The following MYO10 variants were observed in gnomAD, a reference collection of about 807,000 sequenced individuals.
The protein encoded by MYO10 is myosin X.
Under a neutral mutation model 257.3 loss-of-function variants are expected in MYO10, and 133 were observed. The observed-to-expected ratio is 0.52, with a 90% CI of 0.45 to 0.60. The LOEUF (loss-of-function observed/expected upper bound fraction) is 0.60, where lower values mean the gene tolerates loss of function less well. Ranked by LOEUF, MYO10 falls within the 20% of genes least tolerant of loss-of-function variation. The pLI is 0.00. For missense variants in MYO10, 2,399 were observed against 2,635.7 expected (o/e 0.91, Z 1.97); for synonymous variants, 1,104 against 1,028.6 (o/e 1.07, Z -1.40).
chr5:16,935,211 G>T (rs1346105417), intron 1 of MYO10, among the ~76,000 whole-genome samples: 2 of 152,044 alleles, frequency 1.3e-5, no homozygotes, highest in Non-Finnish European at 2.9e-5. Flanking sequence ...ACAAATACAT[G>T]ATCATTTGAT....
At chr5:16,918,997 A>G (rs549875928) in intron 1 of MYO10, among the ~76,000 whole-genome samples, 1 of 152,256 alleles carries the variant, frequency 6.6e-6, no homozygotes, top group East Asian at 1.9e-4. Context: ...TTGGACTTGT[A>G]TTACCTGACT....
In MYO10 at chr5:16,818,097, C is replaced by A. The variant is rs1742678279; in HGVS notation, c.191G>T (p.Gly64Val). The A allele has an allele frequency of 6.2e-7, 1 of 1,611,676 alleles. No individual in the cohort carries two copies. Among genetic ancestry groups the A allele is most frequent in the South Asian group, 1.1e-5 (1 of 90,728 alleles). Residue 64 changes from glycine to valine, a missense_variant, in exon 3 of 41, where the codon GGC becomes GTC. Transcript: ENST00000513610. ...VTAMHPTNEE[G>V]VDDMASLTEL... ...TGTCAAGGACGCCATGTCATCCACG[C>A]CCTCCTCGTTCGTGGGGTGCATAGC...
intron 19 of MYO10, among the ~76,000 whole-genome samples, chr5:16,748,153 T>C (rs1237518604): frequency 1.3e-5 from 2 of 152,122 alleles, no homozygotes; most frequent in Non-Finnish European, 1.5e-5. Context: ...CACTGCAGCC[T>C]TGACCTCCCA....
intron 17 of MYO10, among the ~76,000 whole-genome samples, chr5:16,759,203 G>A (rs1460965001): frequency 2.0e-5 from 3 of 152,172 alleles, no homozygotes; most frequent in Non-Finnish European, 2.9e-5. Flanking sequence ...GATTATAGGC[G>A]TGAGCCACCG....
chr5:16,680,179 C>A, intron 32 of MYO10, 75 bp from the exon 33 acceptor site: 2 of 1,509,606 alleles, frequency 1.3e-6, no homozygotes, highest in South Asian at 2.5e-5. Context: ...TGTGTCCTCT[C>A]TGACCTCAGT....
At chr5:16,935,323 C>T (rs1364087521) in intron 1 of MYO10, among the ~76,000 whole-genome samples, 3 of 152,198 alleles carry the variant, frequency 2.0e-5, no homozygotes, top group Non-Finnish European at 2.9e-5. Context: ...ATTAAGCCGT[C>T]TCCTCTGGAA....
rs61364324 is a variant in MYO10 at position 16,751,127 on chromosome 5, G to A, written c.1929+3701C>T. ...TCTCCCAAGTCCTTCGGTGGACTGC[G>A]ACTGGAGAGGAAAATGAGGTGAGGA... On this transcript the variant is annotated intron_variant, in intron 19 of 40. Coordinates refer to ENST00000513610, the MANE Select transcript of MYO10 (RefSeq NM_012334.3). Among the ~76,000 whole-genome samples the A allele has an allele frequency of 8.0e-3, 1,218 of 152,202 alleles. 20 individuals carry two copies. The highest frequency in any genetic ancestry group is 0.027 in the African/African-American group (1,126 of 41,510).
chr5:16,690,569 C>G (rs991887953), intron 27 of MYO10, among the ~76,000 whole-genome samples: 2 of 152,142 alleles, frequency 1.3e-5, no homozygotes, highest in African/African-American at 2.4e-5. Context: ...AGGACCCAGA[C>G]AGGCCAGGGG....
At chr5:16,775,142 G>T (rs1440247717) in intron 9 of MYO10, among the ~76,000 whole-genome samples, 2 of 152,198 alleles carry the variant, frequency 1.3e-5, no homozygotes, top group Non-Finnish European at 2.9e-5. Context: ...TGTTACTACT[G>T]ACTTGAAATA....
chr5:16,671,653 G>T lies in MYO10; in HGVS notation c.5310-111C>A. On this transcript the variant is annotated intron_variant, in intron 37 of 40. Coordinates refer to ENST00000513610, the MANE Select transcript of MYO10 (RefSeq NM_012334.3). ...TCTAAGGACACAGACATTCTGTCCG[G>T]GCCCAGAAAACAGTGGATAGAGATG... The T allele has an allele frequency of 5.2e-6, 7 of 1,351,396 alleles. No homozygotes were observed. The South Asian group carries it at 8.2e-5, about 16-fold the overall frequency. The allele number at this position is 1,351,396 out of a possible 1,614,324, so 83.7% of individuals were successfully genotyped here.
At chr5:16,890,200 A>C (rs1745011497) in intron 1 of MYO10, among the ~76,000 whole-genome samples, 1 of 151,910 alleles carries the variant, frequency 6.6e-6, no homozygotes, top group Non-Finnish European at 1.5e-5. Context: ...AAAGGTACAT[A>C]AAAGATAACC....
At chr5:16,745,408 A>T (rs919120897) in intron 19 of MYO10, among the ~76,000 whole-genome samples, 3 of 151,624 alleles carry the variant, frequency 2.0e-5, no homozygotes, top group African/African-American at 7.3e-5. Flanking sequence ...AAAGCAGACC[A>T]GGCACGGTGA....
intron 2 of MYO10, among the ~76,000 whole-genome samples, chr5:16,869,703 A>G (rs1036192801): frequency 7.3e-5 from 11 of 151,158 alleles, no homozygotes; most frequent in African/African-American, 2.7e-4. Context: ...CATCTCTACT[A>G]AAAATACAAA....
intron 18 of MYO10, among the ~76,000 whole-genome samples, chr5:16,757,119 T>TA (rs58155620): frequency 0.11 from 10,785 of 100,002 alleles, 743 homozygotes; most frequent in African/African-American, 0.13. Context: ...ACTCTGCCTT[T>TA]AAAAAAAAAA....
At chr5:16,805,340 T>C (rs1742239949) in intron 3 of MYO10, among the ~76,000 whole-genome samples, 1 of 150,286 alleles carries the variant, frequency 6.7e-6, no homozygotes, top group African/African-American at 2.5e-5. Flanking sequence ...CGGATGCCTG[T>C]AATCCCAGCT....
At chr5:16,740,045 G>A (rs1276770271) in intron 19 of MYO10, among the ~76,000 whole-genome samples, 1 of 152,164 alleles carries the variant, frequency 6.6e-6, no homozygotes, top group East Asian at 1.9e-4. Flanking sequence ...GTGAAGTGCT[G>A]AAGAGCTAAT....
At chr5:16,771,697 A>G (rs1350612207) in intron 9 of MYO10, among the ~76,000 whole-genome samples, 1 of 151,592 alleles carries the variant, frequency 6.6e-6, no homozygotes, top group Non-Finnish European at 1.5e-5. Flanking sequence ...CTCCCACCTC[A>G]GCCTCCTGAG....
In MYO10 at chr5:16,865,068, C is replaced by G. The variant is rs141196048; in HGVS notation, c.120+12541G>C. ...AAGCACAGAGAATTGAAGAGCTTCCCAGCTCAATGCTGTCTTTTTCATACA... is the reference window on the plus strand; with the variant it reads ...AAGCACAGAGAATTGAAGAGCTTCCGAGCTCAATGCTGTCTTTTTCATACA... On this transcript the variant is annotated intron_variant, in intron 2 of 40. Transcript: ENST00000513610. 7.4e-4 allele frequency among the ~76,000 whole-genome samples: 112 copies of G among 152,182 alleles called. No homozygotes were observed. In the East Asian group the frequency reaches 0.021, roughly 28 times the overall value.
intron 1 of MYO10, among the ~76,000 whole-genome samples, chr5:16,922,595 G>A (rs907727342): frequency 6.6e-6 from 1 of 152,178 alleles, no homozygotes; most frequent in Admixed American, 6.5e-5. Flanking sequence ...GCAGGCAGCA[G>A]AGGAGGCAAG....
Sources: gnomAD v4.1 joint callset for allele counts (sites outside exome capture counted in the v4.1 genomes callset) on GRCh38, gnomAD v4.1.1 for gene constraint, MANE v1.5 for transcripts, NCBI Gene and HGNC (gene_info 2026-07-23, HGNC 2026-07-21) for gene names.